Variants in NHLRC2 observed in about 807,000 individuals in gnomAD.
The protein encoded by NHLRC2 is NHL repeat containing 2, also known as NHL repeat-containing protein 2.
NHLRC2 carries 33 observed loss-of-function variants against 68.1 expected under a neutral mutation model. That is an observed-to-expected ratio of 0.48 (90% CI 0.37 to 0.65). The LOEUF is 0.65. Among genes scored for constraint, NHLRC2 ranks in the 30% least tolerant of loss-of-function variants. NHLRC2 has a pLI of 0.00. For synonymous variants in NHLRC2, 311 were observed against 309.6 expected (o/e 1.00, Z -0.05); for missense variants, 761 against 853.8 (o/e 0.89, Z 1.35).
chr10:113,863,810 A>G (rs1845837882), intron 2 of NHLRC2, among the ~76,000 whole-genome samples: 1 of 152,228 alleles, frequency 6.6e-6, no homozygotes, highest in Admixed American at 6.5e-5. Context: ...CAGAAATAAA[A>G]AGGATTATAA....
Position 113,901,795 on chromosome 10 carries a change from G to T in NHLRC2, c.1269G>T (p.Trp423Cys). Residue 423 changes from tryptophan to cysteine, a missense_variant, in exon 7 of 11, where the codon TGG becomes TGT. Coordinates refer to ENST00000369301, the MANE Select transcript of NHLRC2 (RefSeq NM_198514.4). ...SGLSLASEDP[W>C]SCLFVADSES... The stretch of plus-strand genomic sequence containing the variant: ...TTTCCTTGGCCTCTGAAGATCCCTG[G>T]AGCTGCTTGTTTGTAGCAGATAGTG... The T allele has an allele frequency of 1.9e-6, 3 of 1,614,114 alleles. No homozygotes were observed. The highest frequency in any genetic ancestry group is 2.5e-6 in the Non-Finnish European group (3 of 1,179,990).
intron 2 of NHLRC2, among the ~76,000 whole-genome samples, chr10:113,861,692 A>G (rs1306696943): frequency 6.6e-6 from 1 of 152,258 alleles, no homozygotes; most frequent in Non-Finnish European, 1.5e-5. Context: ...ACTAGACAAT[A>G]ATTCAAAGCC....
At chr10:113,892,365 G>A (rs1846140577) in intron 5 of NHLRC2, among the ~76,000 whole-genome samples, 1 of 152,098 alleles carries the variant, frequency 6.6e-6, no homozygotes. Context: ...TTTTTAATTT[G>A]TGATTGTTGA....
Position 113,889,826 on chromosome 10 carries a change from T to C in NHLRC2, c.1039+5446T>C, listed in dbSNP as rs187676175. 4.5e-4 allele frequency among the ~76,000 whole-genome samples: 69 copies of C among 152,320 alleles called. 1 individual carries two copies. Among genetic ancestry groups the C allele is most frequent in the African/African-American group, 1.6e-3 (65 of 41,574 alleles). On this transcript the variant is annotated intron_variant, in intron 5 of 10. Transcript: ENST00000369301. ...GTCTGGCTTCTTCCATTTAGCATAATGTTTTTGAGATTCATCCCTGTGGTT... is the reference window on the plus strand; with the variant it reads ...GTCTGGCTTCTTCCATTTAGCATAACGTTTTTGAGATTCATCCCTGTGGTT...
At chr10:113,887,886 C>T (rs1307187382) in intron 5 of NHLRC2, among the ~76,000 whole-genome samples, 1 of 151,894 alleles carries the variant, frequency 6.6e-6, no homozygotes, top group Admixed American at 6.6e-5. Flanking sequence ...GTGAAATAAG[C>T]CAAACACAGA....
Position 113,854,905 on chromosome 10 carries a change from C to T in NHLRC2, c.33C>T (p.Leu11=), listed in dbSNP as rs1845728970. The T allele has an allele frequency of 5.2e-6, 8 of 1,551,680 alleles. 1 individual carries two copies. Among genetic ancestry groups the T allele is most frequent in the East Asian group, 2.4e-5 (1 of 41,032 alleles). Residue 11 remains leucine (L), a synonymous_variant, in exon 1 of 11, where the codon CTC becomes CTT. Transcript: ENST00000369301. ...CGCCCGGAGGCCGGGGCCGCAGCCT[C>T]TCCGGCCTGCTCCCCGCGCAGACCT... MAAPGGRGRS[L]SGLLPAQTSL...
intron 5 of NHLRC2, among the ~76,000 whole-genome samples, chr10:113,895,889 G>T (rs1021585513): frequency 2.6e-5 from 4 of 152,128 alleles, no homozygotes; most frequent in African/African-American, 4.8e-5. Flanking sequence ...TGGGAGAACT[G>T]GGTAGAGGAC....
intron 10 of NHLRC2, among the ~76,000 whole-genome samples, chr10:113,906,707 T>G (rs1183897198): frequency 1.3e-5 from 2 of 152,298 alleles, no homozygotes; most frequent in East Asian, 3.9e-4. Flanking sequence ...TATAAGAAAT[T>G]GGCCAGGCGT....
At position 113,907,767 on chromosome 10, in the gene NHLRC2, T is replaced by C. The variant is rs1471633227; in HGVS notation, c.1925-513T>C. ...TTCTAAATAAAGTGTGTGTGTATTTTTAAATTATTTTTAGATATTCAATAA... is the reference window on the plus strand; with the variant it reads ...TTCTAAATAAAGTGTGTGTGTATTTCTAAATTATTTTTAGATATTCAATAA... On this transcript the variant is annotated intron_variant, in intron 10 of 10. Transcript: ENST00000369301. Among the ~76,000 whole-genome samples the C allele has an allele frequency of 2.6e-5, 4 of 152,268 alleles. No individual in the cohort carries two copies. The East Asian group carries it at 7.7e-4, about 29-fold the overall frequency.
rs1222116919 is a variant in NHLRC2 at position 113,916,944 on chromosome 10, T to C, written c.*8408T>C. The C allele has an allele frequency of 2.6e-5, 4 of 152,214 alleles. No individual in the cohort carries two copies. Among genetic ancestry groups the C allele is most frequent in the African/African-American group, 9.7e-5 (4 of 41,448 alleles). 9.4% of individuals were successfully genotyped at this position (152,214 alleles called of 1,614,324 possible). On this transcript the variant is annotated 3_prime_UTR_variant, in exon 11 of 11. Coordinates refer to ENST00000369301, the MANE Select transcript of NHLRC2 (RefSeq NM_198514.4). ...TGTTTCATGTAGACAGATTAATATATTTTTGTACAACATTGTATTTCTACA... is the reference window on the plus strand; with the variant it reads ...TGTTTCATGTAGACAGATTAATATACTTTTGTACAACATTGTATTTCTACA...
chr10:113,900,054 A>G (rs1846214720), intron 6 of NHLRC2, among the ~76,000 whole-genome samples: 1 of 152,028 alleles, frequency 6.6e-6, no homozygotes, highest in Non-Finnish European at 1.5e-5. Flanking sequence ...AGTTAGGGAG[A>G]GTGGAAAGTT....
At position 113,861,910 on chromosome 10, in the gene NHLRC2, A is replaced by G. The variant is rs191387008; in HGVS notation, c.331+3230A>G. On this transcript the variant is annotated intron_variant, in intron 2 of 10. Coordinates refer to ENST00000369301, the MANE Select transcript of NHLRC2 (RefSeq NM_198514.4). ...TTTTTTTGAGACAGAGTCTTGCTCT[A>G]TTCCCCAGGCTAGAGTGTAGTGGCG... Among the ~76,000 whole-genome samples, 49 of 151,938 alleles carry G rather than the reference A, an allele frequency of 3.2e-4. No individual in the cohort carries two copies. The East Asian group carries it at 7.7e-3, about 24-fold the overall frequency.
intron 4 of NHLRC2, among the ~76,000 whole-genome samples, chr10:113,883,882 C>T (rs1846057782): frequency 6.6e-6 from 1 of 151,908 alleles, no homozygotes; most frequent in Non-Finnish European, 1.5e-5. Context: ...CAATTACTAG[C>T]TGAGCACAAC....
chr10:113,891,081 G>T (rs1000595699), intron 5 of NHLRC2, among the ~76,000 whole-genome samples: 1 of 152,162 alleles, frequency 6.6e-6, no homozygotes, highest in Non-Finnish European at 1.5e-5. Context: ...GACTTGTGGG[G>T]ATTACAATTC....
intron 5 of NHLRC2, among the ~76,000 whole-genome samples, chr10:113,890,944 T>A (rs529867799): frequency 1.4e-4 from 22 of 151,874 alleles, no homozygotes; most frequent in Admixed American, 1.1e-3. Context: ...CAAGAGAGAG[T>A]ACCAAGGGGG....
chr10:113,886,334 T>G (rs1053637796), intron 5 of NHLRC2, among the ~76,000 whole-genome samples: 2 of 152,152 alleles, frequency 1.3e-5, no homozygotes, highest in African/African-American at 4.8e-5. Context: ...ACAGATTCAG[T>G]GTAATTTCTA....
chr10:113,914,268 G>A lies in NHLRC2; in HGVS notation c.*5732G>A, dbSNP rs1438266735. 1 of 152,348 alleles carries A rather than the reference G, an allele frequency of 6.6e-6. No homozygotes were observed. Among genetic ancestry groups the A allele is most frequent in the Non-Finnish European group, 1.5e-5 (1 of 68,194 alleles). 9.4% of individuals were successfully genotyped at this position (152,348 alleles called of 1,614,324 possible). A position where few individuals can be genotyped will look rare whatever the true frequency, so the allele number is the denominator to read the frequency against. ...CACAGCCTCCACTTCCTGTGTTCAA[G>A]CAATTCTCCTGCCTCAGCCTCCTGA... On this transcript the variant is annotated 3_prime_UTR_variant, in exon 11 of 11. Coordinates refer to ENST00000369301, the MANE Select transcript of NHLRC2 (RefSeq NM_198514.4).
chr10:113,883,988 A>G (rs576774839), intron 4 of NHLRC2, among the ~76,000 whole-genome samples: 3 of 152,026 alleles, frequency 2.0e-5, no homozygotes, highest in South Asian at 2.1e-4. Context: ...GATGAGGTCA[A>G]TGCCAGATCT....
rs531572684 is a variant in NHLRC2, at chr10:113,915,167, ATG to A, written c.*6633_*6634del. 1.7e-4 allele frequency: 79 copies of A among 456,318 alleles called. 1 individual carries two copies. The highest frequency in any genetic ancestry group is 1.2e-3 in the South Asian group (77 of 64,570). The allele number at this position is 456,318 out of a possible 1,614,324, so 28.3% of individuals were successfully genotyped here. On this transcript the variant is annotated 3_prime_UTR_variant, in exon 11 of 11. Transcript: ENST00000369301. Reference sequence around the variant, plus strand: ...TGGTGTGTCCCTCTTCTTCACTGGCATGTCGCTTTCAAGTGTACCAAAGGACA... The same window carrying A: ...TGGTGTGTCCCTCTTCTTCACTGGCATCGCTTTCAAGTGTACCAAAGGACA...
Sources: gnomAD v4.1 joint callset for allele counts (sites outside exome capture counted in the v4.1 genomes callset) on GRCh38, gnomAD v4.1.1 for gene constraint, MANE v1.5 for transcripts, NCBI Gene and HGNC (gene_info 2026-07-23, HGNC 2026-07-21) for gene names.